Variants in SHROOM3 observed in about 807,000 individuals in gnomAD.
SHROOM3 encodes the protein protein Shroom3.
In SHROOM3, 47 loss-of-function variants were observed where a neutral mutation model predicts 138.6. The observed-to-expected ratio is 0.34, with a 90% confidence interval of 0.27 to 0.43. The LOEUF (loss-of-function observed/expected upper bound fraction) is 0.43, where lower values mean the gene tolerates loss of function less well. SHROOM3 is among the 20% of genes least tolerant of loss of function. The probability of loss-of-function intolerance (pLI) is 1.00; values close to 1 mark genes in which losing one functional copy is unlikely to be tolerated. For synonymous variants in SHROOM3, 1,062 were observed against 1,063.3 expected (o/e 1.00, Z 0.02); for missense variants, 2,491 against 2,596.5 (o/e 0.96, Z 0.88).
Position 76,754,601 on chromosome 4 carries a change from C to G in SHROOM3, c.4118C>G (p.Thr1373Arg). The G allele has an allele frequency of 6.2e-7, 1 of 1,614,156 alleles. No homozygotes were observed. Among genetic ancestry groups the G allele is most frequent in the Non-Finnish European group, 8.5e-7 (1 of 1,180,022 alleles). Residue 1373 changes from threonine (T) to arginine (R), a missense_variant, in exon 7 of 11, where the codon ACA becomes AGA. Around this residue, in one of 4 missense-constraint regions of SHROOM3, gnomAD observed 1,733 missense variants for 1,661.6 expected, o/e 1.04. Coordinates refer to ENST00000296043, the MANE Select transcript of SHROOM3 (RefSeq NM_020859.4). ...PSGYCSQDGQ[T>R]GRQPLPPYTP... ...GGCTACTGCTCACAGGACGGTCAGA[C>G]AGGGCGACAGCCTCTCCCGCCCTAC...
chr4:76,480,840 C>T (rs765507368), intron 1 of SHROOM3, among the ~76,000 whole-genome samples: 11 of 152,102 alleles, frequency 7.2e-5, no homozygotes, highest in Non-Finnish European at 1.3e-4. Flanking sequence ...CACTCAAAAC[C>T]GAACAGCTAC....
chr4:76,478,651 A>G (rs1731539447), intron 1 of SHROOM3, among the ~76,000 whole-genome samples: 1 of 152,168 alleles, frequency 6.6e-6, no homozygotes, highest in Non-Finnish European at 1.5e-5. Flanking sequence ...TGCCTCCTCA[A>G]GTGGGTTCAT....
intron 2 of SHROOM3, among the ~76,000 whole-genome samples, chr4:76,643,151 T>C (rs1334194661): frequency 6.6e-6 from 1 of 150,862 alleles, no homozygotes; most frequent in African/African-American, 2.4e-5. Flanking sequence ...GAGATGGAGC[T>C]TGTGGTGAGC....
Position 76,512,135 on chromosome 4 carries a change from TA to T in SHROOM3, c.169-43469del, listed in dbSNP as rs1392041328. ...GGCAGTGGGAGTAGAATGGAAGGGC[TA>T]AAAAGATAGGGCCAAAGGTCAAGTT... On this transcript the variant is annotated intron_variant, in intron 1 of 10. Transcript: ENST00000296043. 2.0e-5 allele frequency among the ~76,000 whole-genome samples: 3 copies of T among 152,072 alleles called. No individual in the cohort carries two copies. The East Asian group carries it at 5.8e-4, about 29-fold the overall frequency.
chr4:76,497,061 C>T (rs755825594), intron 1 of SHROOM3, among the ~76,000 whole-genome samples: 15 of 152,280 alleles, frequency 9.9e-5, no homozygotes, highest in African/African-American at 7.2e-5. Context: ...AAATAAGAGA[C>T]GTATATGGAA....
At chr4:76,447,187 A>G (rs985626991) in intron 1 of SHROOM3, among the ~76,000 whole-genome samples, 1 of 152,196 alleles carries the variant, frequency 6.6e-6, no homozygotes, top group Non-Finnish European at 1.5e-5. Context: ...TCATTGTGAC[A>G]TGAATTTGAA....
At chr4:76,529,045 C>A (rs1246990999) in intron 1 of SHROOM3, among the ~76,000 whole-genome samples, 1 of 152,168 alleles carries the variant, frequency 6.6e-6, no homozygotes, top group African/African-American at 2.4e-5. Flanking sequence ...TCTAAACTTG[C>A]CCCGGTCTAT....
chr4:76,533,513 A>G (rs1579218548), intron 1 of SHROOM3, among the ~76,000 whole-genome samples: 1 of 152,204 alleles, frequency 6.6e-6, no homozygotes, highest in Non-Finnish European at 1.5e-5. Flanking sequence ...CTGCTCCAGT[A>G]GCTCAGCATC....
chr4:76,726,771 C>T (rs550425521), intron 3 of SHROOM3, among the ~76,000 whole-genome samples: 1 of 152,186 alleles, frequency 6.6e-6, no homozygotes, highest in East Asian at 1.9e-4. Context: ...TAGGCACAAG[C>T]AAACTAGAGG....
intron 1 of SHROOM3, among the ~76,000 whole-genome samples, chr4:76,485,873 GAAC>G (rs1220115157): frequency 6.6e-6 from 1 of 152,108 alleles, no homozygotes; most frequent in African/African-American, 2.4e-5. Context: ...AAACTAAACA[GAAC>G]AACTAGTTTT....
intron 10 of SHROOM3, among the ~76,000 whole-genome samples, chr4:76,771,327 G>A (rs774100280): frequency 3.3e-5 from 5 of 151,090 alleles, no homozygotes; most frequent in Non-Finnish European, 5.9e-5. Context: ...GCAGTGAGCC[G>A]AGATCACGCC....
At chr4:76,483,025 A>G (rs1482660660) in intron 1 of SHROOM3, among the ~76,000 whole-genome samples, 1 of 152,216 alleles carries the variant, frequency 6.6e-6, no homozygotes, top group Non-Finnish European at 1.5e-5. Context: ...ACTTAAATGT[A>G]AAACCTGAAA....
chr4:76,690,259 A>G (rs1252976700), intron 2 of SHROOM3, among the ~76,000 whole-genome samples: 1 of 152,240 alleles, frequency 6.6e-6, no homozygotes, highest in African/African-American at 2.4e-5. Flanking sequence ...CCAGAGGAAT[A>G]AAACTTTTGC....
intron 3 of SHROOM3, among the ~76,000 whole-genome samples, chr4:76,719,683 C>G (rs186723145): frequency 7.3e-6 from 1 of 137,578 alleles, no homozygotes; most frequent in Admixed American, 7.2e-5. Context: ...CAATTTGTTA[C>G]CCCCCGGCAA....
At chr4:76,552,199 T>A (rs533937504) in intron 1 of SHROOM3, among the ~76,000 whole-genome samples, 103 of 150,196 alleles carry the variant, frequency 6.9e-4, no homozygotes, top group African/African-American at 2.4e-3. Context: ...AAAAGCTATT[T>A]TATATATATT....
At chr4:76,482,461 C>T (rs1270868971) in intron 1 of SHROOM3, among the ~76,000 whole-genome samples, 1 of 152,020 alleles carries the variant, frequency 6.6e-6, no homozygotes, top group East Asian at 1.9e-4. Flanking sequence ...ATGTGAAGGA[C>T]CTCTTCAAGG....
At chr4:76,755,423 C>T (rs950943928) in intron 7 of SHROOM3, among the ~76,000 whole-genome samples, 1 of 152,186 alleles carries the variant, frequency 6.6e-6, no homozygotes, top group East Asian at 1.9e-4. Context: ...GGGCACATTT[C>T]ACTTCTGGGG....
intron 1 of SHROOM3, among the ~76,000 whole-genome samples, chr4:76,479,204 C>T (rs965391698): frequency 2.0e-5 from 3 of 151,760 alleles, no homozygotes; most frequent in Non-Finnish European, 4.4e-5. Context: ...CATGTCCTAA[C>T]CCAATGCAAG....
intron 2 of SHROOM3, among the ~76,000 whole-genome samples, chr4:76,589,243 A>G (rs1270068020): frequency 6.6e-6 from 1 of 152,198 alleles, no homozygotes; most frequent in Non-Finnish European, 1.5e-5. Flanking sequence ...CAAGGTGGGC[A>G]GATCACCTGA....
Sources: gnomAD v4.1 joint callset for allele counts (sites outside exome capture counted in the v4.1 genomes callset) on GRCh38, gnomAD v4.1.1 for gene constraint, gnomAD v4.1.1 regional missense constraint, MANE v1.5 for transcripts, NCBI Gene and HGNC (gene_info 2026-07-23, HGNC 2026-07-21) for gene names.